The following AP1AR variants were observed in gnomAD, a reference collection of about 807,000 sequenced individuals.
The protein encoded by AP1AR is adaptor related protein complex 1 associated regulatory protein.
A neutral mutation model predicts 46.3 loss-of-function variants in AP1AR; 29 were observed. The ratio of observed to expected loss-of-function variants is 0.63; its 90% confidence interval spans 0.47 to 0.85. The LOEUF is 0.85. Ranked by LOEUF, AP1AR falls within the 40% of genes least tolerant of loss-of-function variation. The pLI is 0.00. For synonymous variants in AP1AR, 122 were observed against 122.9 expected (o/e 0.99, Z 0.05); for missense variants, 357 against 356.3 (o/e 1.00, Z -0.02).
At chr4:112,265,853 CAGAT>C in intron 8 of AP1AR, 46 bp downstream of exon 8, 1 of 1,242,124 alleles carries the variant, frequency 8.1e-7, no homozygotes, top group African/African-American at 1.5e-5. Context: ...CCACAGTAAA[CAGAT>C]AAGTAGAGAT....
chr4:112,256,649 T>A (rs1726210912), intron 3 of AP1AR, among the ~76,000 whole-genome samples: 1 of 152,250 alleles, frequency 6.6e-6, no homozygotes, highest in Admixed American at 6.5e-5. Flanking sequence ...ATTTGGAATT[T>A]TATTCCTGCT....
Position 112,268,480 on chromosome 4 carries a change from T to G in AP1AR, c.*71T>G, listed in dbSNP as rs944997325. ...AAACCAACTAGAATGTATAAGTGAT[T>G]GTGCTTAGCCTTTTTGTAAGGGAGA... On this transcript the variant is annotated 3_prime_UTR_variant, in exon 10 of 10. Coordinates refer to ENST00000274000, the MANE Select transcript of AP1AR (RefSeq NM_018569.6). The G allele has an allele frequency of 1.4e-6, 2 of 1,446,484 alleles. No individual in the cohort carries two copies. Among genetic ancestry groups the G allele is most frequent in the African/African-American group, 2.9e-5 (2 of 69,954 alleles). 89.6% of individuals were successfully genotyped at this position (1,446,484 alleles called of 1,614,324 possible).
chr4:112,254,691 G>A, intron 2 of AP1AR, 56 bp from the exon 3 acceptor site: 1 of 1,118,462 alleles, frequency 8.9e-7, no homozygotes, highest in Non-Finnish European at 1.3e-6. Flanking sequence ...AATTTCTTGT[G>A]AGATGTATAC....
intron 5 of AP1AR, among the ~76,000 whole-genome samples, chr4:112,261,074 T>G (rs1183003968): frequency 6.6e-6 from 1 of 152,222 alleles, no homozygotes; most frequent in Non-Finnish European, 1.5e-5. Flanking sequence ...ATGGAGATAG[T>G]ACATTCTTTT....
intron 3 of AP1AR, chr4:112,254,991 C>A: frequency 4.0e-6 from 1 of 250,632 alleles, no homozygotes; most frequent in Non-Finnish European, 7.5e-6. Flanking sequence ...GACGGAGTCT[C>A]GCTCTGTCTC....
intron 1 of AP1AR, among the ~76,000 whole-genome samples, chr4:112,233,164 G>A (rs1257788198): frequency 6.6e-6 from 1 of 152,028 alleles, no homozygotes; most frequent in Non-Finnish European, 1.5e-5. Flanking sequence ...ACATTATTGG[G>A]TAATAAGATG....
rs551626538 is a variant in AP1AR, at chr4:112,252,894, A to G, written c.84-314A>G. On this transcript the variant is annotated intron_variant, in intron 1 of 9. Transcript: ENST00000274000. ...TTTAACGAGGTACTTTTCTTGATGT[A>G]GTAAAAATAATGAGATACATTTTAA... is the stretch of plus-strand genomic sequence containing the variant. Among the ~76,000 whole-genome samples, 15 of 152,336 alleles carry G rather than the reference A, an allele frequency of 9.8e-5. No individual in the cohort carries two copies. In the South Asian group the frequency reaches 3.1e-3, roughly 32 times the overall value.
At chr4:112,235,200 G>A (rs950366191) in intron 1 of AP1AR, among the ~76,000 whole-genome samples, 16 of 152,084 alleles carry the variant, frequency 1.1e-4, no homozygotes, top group African/African-American at 3.9e-4. Context: ...CTTTCTACAG[G>A]GCTCCATCTG....
Position 112,260,977 on chromosome 4 carries a change from G to T in AP1AR, c.282+115G>T, listed in dbSNP as rs1424421147. ...TATTTAGATATATACAGATGAATCT[G>T]TTTTAAGAGTTAAAAAAAATCATTC... On this transcript the variant is annotated intron_variant, in intron 5 of 9. Transcript: ENST00000274000. The T allele has an allele frequency of 1.2e-5, 6 of 515,860 alleles. No homozygotes were observed. The East Asian group carries it at 1.8e-4, about 15-fold the overall frequency. The allele number at this position is 515,860 out of a possible 1,614,324, so 32.0% of individuals were successfully genotyped here. A position where few individuals can be genotyped will look rare whatever the true frequency, so the allele number is the denominator to read the frequency against.
In AP1AR at chr4:112,232,119, T is replaced by G. The variant is rs543058773; in HGVS notation, c.28T>G (p.Phe10Val). ...GGGGAACTGCTGCTGGACGCAGTGC[T>G]TCGGACTGCTTCGCAAGGAAGCGGG... MGNCCWTQC[F>V]GLLRKEAGRL... Residue 10 changes from phenylalanine (F) to valine (V), a missense_variant, in exon 1 of 10, where the codon TTC becomes GTC. Phe to Val is a conservative substitution (Grantham distance 50). Transcript: ENST00000274000. The G allele has an allele frequency of 6.2e-6, 8 of 1,300,248 alleles. No homozygotes were observed. The highest frequency in any genetic ancestry group is 6.9e-6 in the Non-Finnish European group (7 of 1,016,106). The allele number at this position is 1,300,248 out of a possible 1,614,324, so 80.5% of individuals were successfully genotyped here.
chr4:112,268,173 C>T lies in AP1AR; in HGVS notation c.673C>T (p.Arg225Cys). ...GAATAGAATGCTTCCAATGAGAGAA[C>T]GTTCCAAAACAGAGGAAGACATTCT... ...GMNRMLPMRE[R>C]SKTEEDILRA... Residue 225 changes from arginine to cysteine, a missense_variant, in exon 10 of 10, where the codon CGT becomes TGT. Coordinates refer to ENST00000274000, the MANE Select transcript of AP1AR (RefSeq NM_018569.6). The T allele has an allele frequency of 1.3e-6, 2 of 1,583,900 alleles. No individual in the cohort carries two copies. The highest frequency in any genetic ancestry group is 2.2e-5 in the East Asian group (1 of 44,494).
chr4:112,231,826 C>T lies in AP1AR; in HGVS notation c.-266C>T, dbSNP rs1314232218. On this transcript the variant is annotated 5_prime_UTR_variant, in exon 1 of 10. Transcript: ENST00000274000. Reference sequence around the variant, plus strand: ...AGGAGCTGAGGCGAGAAGGGCCATGCGGACGGCGAGGGAGTCCAGAGCCTT... The same window carrying T: ...AGGAGCTGAGGCGAGAAGGGCCATGTGGACGGCGAGGGAGTCCAGAGCCTT... The T allele has an allele frequency of 2.8e-6, 1 of 354,044 alleles. No homozygotes were observed. The highest frequency in any genetic ancestry group is 5.1e-6 in the Non-Finnish European group (1 of 197,850). 21.9% of individuals were successfully genotyped at this position (354,044 alleles called of 1,614,324 possible).
At chr4:112,234,915 G>C (rs7672182) in intron 1 of AP1AR, among the ~76,000 whole-genome samples, 94,167 of 151,958 alleles carry the variant, frequency 0.62, 30,803 homozygotes, top group African/African-American at 0.82. Flanking sequence ...TGAGAAATCT[G>C]AAAATCAGAT....
intron 1 of AP1AR, among the ~76,000 whole-genome samples, chr4:112,235,846 C>T (rs1725217278): frequency 6.6e-6 from 1 of 152,160 alleles, no homozygotes; most frequent in Non-Finnish European, 1.5e-5. Flanking sequence ...ACCTGAACAA[C>T]TTGACTCTTT....
At chr4:112,261,673 G>A (rs887070786) in intron 5 of AP1AR, among the ~76,000 whole-genome samples, 7 of 151,870 alleles carry the variant, frequency 4.6e-5, no homozygotes, top group Admixed American at 3.3e-4. Flanking sequence ...GTTTAAGACC[G>A]GGCTTGGTGG....
At chr4:112,236,456 A>G (rs1247678382) in intron 1 of AP1AR, among the ~76,000 whole-genome samples, 1 of 148,942 alleles carries the variant, frequency 6.7e-6, no homozygotes, top group Non-Finnish European at 1.5e-5. Flanking sequence ...GCTGAAATGC[A>G]CTGGCACAAT....
chr4:112,249,547 C>T (rs1416837798), intron 1 of AP1AR, among the ~76,000 whole-genome samples: 3 of 151,716 alleles, frequency 2.0e-5, no homozygotes, highest in African/African-American at 7.3e-5. Flanking sequence ...ATTCCAGCTA[C>T]TTGGGAGGCT....
intron 3 of AP1AR, among the ~76,000 whole-genome samples, chr4:112,255,194 C>T (rs970880307): frequency 1.3e-5 from 2 of 152,090 alleles, no homozygotes; most frequent in African/African-American, 4.8e-5. Flanking sequence ...CTCCTGACCT[C>T]GTGATCCGCC....
chr4:112,256,883 G>A (rs915364652), intron 3 of AP1AR, among the ~76,000 whole-genome samples: 2 of 152,184 alleles, frequency 1.3e-5, no homozygotes, highest in African/African-American at 4.8e-5. Context: ...GAAATACAAG[G>A]TTAGGTTCCT....
Sources: allele counts gnomAD v4.1 joint callset (sites outside exome capture counted in the v4.1 genomes callset), GRCh38; gene constraint gnomAD v4.1.1; transcripts MANE v1.5; gene names NCBI Gene and HGNC (gene_info 2026-07-23, HGNC 2026-07-21).